The following CEP57 variants were observed in gnomAD, a reference collection of about 807,000 sequenced individuals.
CEP57 encodes the protein centrosomal protein 57.
In CEP57, 40 loss-of-function variants were observed where a neutral mutation model predicts 68.0. That is an observed-to-expected ratio of 0.59 (90% CI 0.46 to 0.77). The LOEUF (loss-of-function observed/expected upper bound fraction) is 0.77. CEP57 is among the 30% of genes least tolerant of loss of function. The probability of loss-of-function intolerance (pLI) is 0.00; values close to 1 mark genes in which losing one functional copy is unlikely to be tolerated. For synonymous variants in CEP57, 219 were observed against 198.7 expected (o/e 1.10, Z -0.86); for missense variants, 606 against 580.7 (o/e 1.04, Z -0.45).
In CEP57 at chr11:95,832,527, A is replaced by G. The variant is rs1020483335; in HGVS notation, c.*1271A>G. 1 of 152,176 alleles carries G rather than the reference A, an allele frequency of 6.6e-6. No individual in the cohort carries two copies. The highest frequency in any genetic ancestry group is 2.4e-5 in the African/African-American group (1 of 41,446). 9.4% of individuals were successfully genotyped at this position (152,176 alleles called of 1,614,324 possible). A position where few individuals can be genotyped will look rare whatever the true frequency, so the allele number is the denominator to read the frequency against. On this transcript the variant is annotated 3_prime_UTR_variant, in exon 11 of 11. Transcript: ENST00000325542. Reference sequence around the variant, plus strand: ...CCAGTTTTCTAATGAGTAGGTTCGTAGCTTGATTGAATTAATAATTGTGAG... The same window carrying G: ...CCAGTTTTCTAATGAGTAGGTTCGTGGCTTGATTGAATTAATAATTGTGAG...
Position 95,813,119 on chromosome 11 carries a change from G to A in CEP57, c.382+8G>A. The A allele has an allele frequency of 6.2e-7, 1 of 1,610,968 alleles. No individual in the cohort carries two copies. The highest frequency in any genetic ancestry group is 8.5e-7 in the Non-Finnish European group (1 of 1,179,138). ...AATCAAAGCACAATCAAGGTTTGTT[G>A]ATGAAGAAAATTAAAATTCTATCAA... On this transcript the variant is annotated splice_region_variant and intron_variant, in intron 3 of 10. Transcript: ENST00000325542.
intron 6 of CEP57, among the ~76,000 whole-genome samples, chr11:95,820,666 T>C (rs1256213254): frequency 6.6e-6 from 1 of 151,936 alleles, no homozygotes. Flanking sequence ...GAAAGTGCTT[T>C]AAAATGTTTT....
At chr11:95,799,472 T>C (rs1283181543) in intron 2 of CEP57, 84 bp downstream of exon 2, 16 of 1,534,952 alleles carry the variant, frequency 1.0e-5, no homozygotes, top group Non-Finnish European at 1.4e-5. Context: ...TATTTTGCCA[T>C]TAGAGGAAAA....
chr11:95,818,814 T>A lies in CEP57; in HGVS notation c.622-13T>A. The A allele has an allele frequency of 6.2e-7, 1 of 1,610,420 alleles. No homozygotes were observed. Among genetic ancestry groups the A allele is most frequent in the East Asian group, 2.2e-5 (1 of 44,786 alleles). On this transcript the variant is annotated splice_polypyrimidine_tract_variant and intron_variant, in intron 5 of 10. Coordinates refer to ENST00000325542, the MANE Select transcript of CEP57 (RefSeq NM_014679.5). ...TTTTTCACCTTTATCCCTTTTGACA[T>A]TTTTATCACTAGAAAAAAATGCAAG...
chr11:95,809,048 TCACTCAAAAC>T (rs1440434312), intron 2 of CEP57, among the ~76,000 whole-genome samples: 1 of 152,126 alleles, frequency 6.6e-6, no homozygotes, highest in East Asian at 1.9e-4. Context: ...ATTAAGAAAC[TCACTCAAAAC>T]CACTCAACTA....
At chr11:95,821,172 G>A (rs1862503125) in intron 6 of CEP57, among the ~76,000 whole-genome samples, 1 of 152,166 alleles carries the variant, frequency 6.6e-6, no homozygotes, top group African/African-American at 2.4e-5. Context: ...AGGCAGATTT[G>A]AAACAAACAC....
chr11:95,824,822 C>A (rs1334378134), intron 8 of CEP57, among the ~76,000 whole-genome samples: 1 of 152,162 alleles, frequency 6.6e-6, no homozygotes, highest in African/African-American at 2.4e-5. Flanking sequence ...AGCTGCTAAT[C>A]CCTGAGCCTT....
At chr11:95,819,167 T>C (rs1862423290) in intron 6 of CEP57, among the ~76,000 whole-genome samples, 1 of 152,210 alleles carries the variant, frequency 6.6e-6, no homozygotes, top group African/African-American at 2.4e-5. Flanking sequence ...CATCAGAGAC[T>C]ACACACATAA....
chr11:95,793,012 T>A (rs1251419740), intron 1 of CEP57, among the ~76,000 whole-genome samples: 1 of 152,202 alleles, frequency 6.6e-6, no homozygotes, highest in Admixed American at 6.5e-5. Flanking sequence ...ACAACTGTTA[T>A]ATTCAACTGT....
At chr11:95,815,974 C>T (rs899589653) in intron 4 of CEP57, among the ~76,000 whole-genome samples, 48 of 152,046 alleles carry the variant, frequency 3.2e-4, no homozygotes, top group African/African-American at 1.2e-3. Flanking sequence ...TTTTGAGTTC[C>T]TTTCTCTTTT....
chr11:95,818,884 A>G lies in CEP57; in HGVS notation c.679A>G (p.Met227Val). ...TGAAGAAGAACAGGAAAGGAAACGC[A>G]TGCAAGCTAAGGCAGCTGAGGTAAG... ...LHEEEQERKR[M>V]QAKAAELQTG... Residue 227 changes from methionine to valine, a missense_variant, in exon 6 of 11, where the codon ATG (methionine) becomes GTG (valine). Coordinates refer to ENST00000325542, the MANE Select transcript of CEP57 (RefSeq NM_014679.5). The G allele has an allele frequency of 2.5e-6, 4 of 1,614,000 alleles. No individual in the cohort carries two copies. Among genetic ancestry groups the G allele is most frequent in the Non-Finnish European group, 3.4e-6 (4 of 1,179,914 alleles).
chr11:95,812,494 G>A (rs1397470829), intron 2 of CEP57, among the ~76,000 whole-genome samples: 1 of 151,958 alleles, frequency 6.6e-6, no homozygotes, highest in Non-Finnish European at 1.5e-5. Context: ...TGCGATCTCA[G>A]CTCACTGCAA....
intron 6 of CEP57, among the ~76,000 whole-genome samples, chr11:95,820,579 C>CAAAAAAAAAAAAAAAA (rs56260498): frequency 1.2e-5 from 1 of 82,440 alleles, no homozygotes; most frequent in Non-Finnish European, 2.3e-5. Context: ...GCAACAAGAG[C>CAAAAAAAAAAAAAAAA]AAAAAAAAAA....
At chr11:95,808,732 C>T (rs1591060803) in intron 2 of CEP57, among the ~76,000 whole-genome samples, 1 of 152,172 alleles carries the variant, frequency 6.6e-6, no homozygotes, top group African/African-American at 2.4e-5. Context: ...CAAAGAGACT[C>T]AGACTCCCAC....
At chr11:95,819,328 A>G (rs1862428485) in intron 6 of CEP57, among the ~76,000 whole-genome samples, 1 of 152,186 alleles carries the variant, frequency 6.6e-6, no homozygotes, top group South Asian at 2.1e-4. Flanking sequence ...ATAGCTATTG[A>G]CCCAGACCAG....
chr11:95,817,229 T>A (rs541845992), intron 4 of CEP57, among the ~76,000 whole-genome samples: 3 of 151,594 alleles, frequency 2.0e-5, no homozygotes, highest in African/African-American at 7.3e-5. Context: ...TAGCCGGGCG[T>A]GGTGGCGGGC....
chr11:95,824,340 T>A (rs1381022459), intron 8 of CEP57, among the ~76,000 whole-genome samples: 4 of 152,220 alleles, frequency 2.6e-5, no homozygotes, highest in Non-Finnish European at 4.4e-5. Context: ...AAAATAGCTT[T>A]TTATCTCATT....
chr11:95,812,967 ATT>A lies in CEP57; in HGVS notation c.239_240del (p.Ile80ThrfsTer6). 6.2e-7 allele frequency: 1 copy of A among 1,614,088 alleles called. No individual in the cohort carries two copies. Among genetic ancestry groups the A allele is most frequent in the Non-Finnish European group, 8.5e-7 (1 of 1,180,010 alleles). On this transcript the variant is annotated frameshift_variant, in exon 3 of 11. Transcript: ENST00000325542. LOFTEE classifies it high-confidence loss of function. ...FSALKNLQDK[I>X]RRLELERIQA... is the part of the protein sequence containing the mutation. ...TGCTCTTAAGAATCTTCAAGATAAG[ATT>A]CGACGCTTGGAACTTGAGAGGATTC...
At chr11:95,820,624 G>A (rs1001700715) in intron 6 of CEP57, among the ~76,000 whole-genome samples, 7 of 150,514 alleles carry the variant, frequency 4.7e-5, no homozygotes, top group African/African-American at 1.5e-4. Context: ...GCATCTTGGT[G>A]TTGGTGTGAT....
Sources: gnomAD v4.1 joint callset for allele counts (sites outside exome capture counted in the v4.1 genomes callset) on GRCh38, gnomAD v4.1.1 for gene constraint, MANE v1.5 for transcripts, NCBI Gene and HGNC (gene_info 2026-07-23, HGNC 2026-07-21) for gene names.